The following EFCC1 variants were observed in gnomAD, a reference collection of about 807,000 sequenced individuals.
EFCC1 encodes EF-hand and coiled-coil domain-containing protein 1.
Under a neutral mutation model 52.1 loss-of-function variants are expected in EFCC1, and 50 were observed. That is an observed-to-expected ratio of 0.96 (90% CI 0.76 to 1.21). The LOEUF is 1.21. EFCC1 is among the 50% of genes most tolerant of loss of function. EFCC1 has a pLI of 0.00. For synonymous variants in EFCC1, 399 were observed against 396.5 expected, an observed-to-expected ratio of 1.01 and a Z score of -0.08; for missense variants, 837 against 867.3, an observed-to-expected ratio of 0.97 and a Z score of 0.44.
chr3:129,038,830 G>A lies in EFCC1; in HGVS notation c.1594-1G>A. On this transcript the variant is annotated splice_acceptor_variant, in intron 6 of 7. Coordinates refer to ENST00000683648, the MANE Select transcript of EFCC1 (RefSeq NM_001377500.1). LOFTEE classifies it high-confidence loss of function. ...CAGCCTTGTTTCCATTTCTTTTTAA[G>A]AACATATCGAAAAGAGCCCTGGGGA... 6.2e-7 allele frequency: 1 copy of A among 1,613,766 alleles called. No homozygotes were observed. The highest frequency in any genetic ancestry group is 8.5e-7 in the Non-Finnish European group (1 of 1,179,970).
intron 7 of EFCC1, among the ~76,000 whole-genome samples, chr3:129,039,284 C>T (rs796074175): frequency 1.3e-5 from 2 of 152,250 alleles, no homozygotes; most frequent in Non-Finnish European, 2.9e-5. Flanking sequence ...GAGGCTGGGG[C>T]ATCTCCCTTA....
chr3:129,019,618 A>T (rs1161026077), intron 2 of EFCC1, among the ~76,000 whole-genome samples: 2 of 152,174 alleles, frequency 1.3e-5, no homozygotes, highest in African/African-American at 4.8e-5. Context: ...GTAGATCAGC[A>T]CTGTCCAACT....
intron 3 of EFCC1, 77 bp from the exon 4 acceptor site, chr3:129,032,742 C>T: frequency 3.3e-6 from 5 of 1,508,204 alleles, no homozygotes; most frequent in African/African-American, 1.4e-5. Context: ...TGGGGCTGCG[C>T]TGCACATGTC....
chr3:129,027,495 AG>A (rs1486015807), intron 2 of EFCC1, among the ~76,000 whole-genome samples: 6 of 152,098 alleles, frequency 3.9e-5, no homozygotes, highest in African/African-American at 1.4e-4. Context: ...CAGCCGCGGG[AG>A]GCTCCCTGCC....
Position 129,030,787 on chromosome 3 carries a change from C to T in EFCC1, c.1065C>T (p.Thr355=). The T allele has an allele frequency of 3.2e-6, 5 of 1,551,650 alleles. No individual in the cohort carries two copies. Among genetic ancestry groups the T allele is most frequent in the Non-Finnish European group, 4.4e-6 (5 of 1,146,960 alleles). The change falls in exon 3 of 8, where the codon ACC becomes ACT. Residue 355 remains threonine (T), a synonymous_variant. Coordinates refer to ENST00000683648, the MANE Select transcript of EFCC1 (RefSeq NM_001377500.1). ...GTAATGAACCTGAAGATGCTGGGAC[C>T]AGAGACCCAGACCCCACTCCAGAGG... The part of the protein sequence containing the change: ...DKSNEPEDAG[T]RDPDPTPEGA...
Position 129,034,152 on chromosome 3 carries a change from C to T in EFCC1, c.1287-12C>T, listed in dbSNP as rs1284876957. 6.8e-6 allele frequency: 11 copies of T among 1,614,192 alleles called. No individual in the cohort carries two copies. The highest frequency in any genetic ancestry group is 9.3e-6 in the Non-Finnish European group (11 of 1,180,012). On this transcript the variant is annotated splice_polypyrimidine_tract_variant and intron_variant, in intron 4 of 7. Coordinates refer to ENST00000683648, the MANE Select transcript of EFCC1 (RefSeq NM_001377500.1). ...CAGCCCCCTGCAATGCGGGCCCTCT[C>T]CTTTGCTGCAGGTGTGATGACCAGA... is the stretch of plus-strand genomic sequence containing the variant.
chr3:129,015,698 G>A (rs576070403), intron 2 of EFCC1, among the ~76,000 whole-genome samples: 107 of 152,300 alleles, frequency 7.0e-4, no homozygotes, highest in Non-Finnish European at 1.1e-3. Context: ...GTAGGGACCA[G>A]AGAGGAGTCA....
intron 3 of EFCC1, among the ~76,000 whole-genome samples, chr3:129,031,288 C>G (rs1026766474): frequency 3.9e-5 from 6 of 152,154 alleles, no homozygotes; most frequent in African/African-American, 1.4e-4. Flanking sequence ...CAAATTAGCC[C>G]AGTGTGGTGG....
intron 2 of EFCC1, among the ~76,000 whole-genome samples, chr3:129,023,477 C>T (rs370971177): frequency 4.4e-4 from 67 of 152,166 alleles, no homozygotes; most frequent in African/African-American, 1.4e-3. Flanking sequence ...TACAGGCGCC[C>T]GCCACCATGC....
chr3:129,034,089 C>T, intron 4 of EFCC1, 75 bp from the exon 5 acceptor site: 3 of 1,585,022 alleles, frequency 1.9e-6, no homozygotes, highest in Non-Finnish European at 2.6e-6. Flanking sequence ...CACACCACCA[C>T]CACCTCTCCA....
chr3:129,034,447 C>G, intron 5 of EFCC1, 118 bp downstream of exon 5: 2 of 1,144,026 alleles, frequency 1.7e-6, no homozygotes, highest in Non-Finnish European at 1.2e-6. Flanking sequence ...AACCAAGGCC[C>G]AGAGGGAGGT....
rs1406431611 is a variant in EFCC1, at chr3:129,001,930, G to A, written c.302G>A (p.Gly101Asp). Reference sequence around the variant, plus strand: ...GCCACCACGGCCGGGCAGGCAGCAGGTGACGGGAACTCCAGAGATGTGACC... The same window carrying A: ...GCCACCACGGCCGGGCAGGCAGCAGATGACGGGAACTCCAGAGATGTGACC... ...EGATTAGQAAGDGNSRDVTPG... is the reference protein window; with the variant it reads ...EGATTAGQAADDGNSRDVTPG... The change falls in exon 1 of 8, where the codon GGT becomes GAT. Residue 101 changes from glycine (G) to aspartate (D), a missense_variant. Gly to Asp is a moderately conservative substitution (Grantham distance 94). Coordinates refer to ENST00000683648, the MANE Select transcript of EFCC1 (RefSeq NM_001377500.1). 6.5e-7 allele frequency: 1 copy of A among 1,541,022 alleles called. No homozygotes were observed. The highest frequency in any genetic ancestry group is 2.0e-5 in the Admixed American group (1 of 50,360).
At chr3:129,015,975 T>TG (rs1294948763) in intron 2 of EFCC1, among the ~76,000 whole-genome samples, 15 of 152,348 alleles carry the variant, frequency 9.8e-5, no homozygotes, top group African/African-American at 3.1e-4. Flanking sequence ...GGCTGGGTTC[T>TG]GAGGGACCTG....
At chr3:129,039,076 C>G (rs1229078349) in intron 7 of EFCC1, among the ~76,000 whole-genome samples, 176 bp downstream of exon 7, 1 of 152,212 alleles carries the variant, frequency 6.6e-6, no homozygotes, top group African/African-American at 2.4e-5. Context: ...CACAGAAGCC[C>G]CAGGCAGAAG....
chr3:129,034,215 C>T lies in EFCC1; in HGVS notation c.1338C>T (p.Gly446=), dbSNP rs148256726. 59 of 1,614,072 alleles carry T rather than the reference C, an allele frequency of 3.7e-5. 2 individuals are homozygous for T. The highest frequency in any genetic ancestry group is 1.7e-4 in the African/African-American group (13 of 74,922). ...EKLMTYFGHF[G]GANHAHTLGE... is the part of the protein sequence containing the mutation. ...TCATGACTTACTTTGGTCACTTCGG[C>T]GGTGCCAACCATGCCCATACCCTGG... The change falls in exon 5 of 8, where the codon GGC becomes GGT. Residue 446 remains glycine, a synonymous_variant. Coordinates refer to ENST00000683648, the MANE Select transcript of EFCC1 (RefSeq NM_001377500.1).
intron 5 of EFCC1, among the ~76,000 whole-genome samples, chr3:129,036,374 C>T (rs752792617): frequency 1.2e-4 from 19 of 152,336 alleles, no homozygotes; most frequent in East Asian, 5.8e-4. Context: ...GGGAATGCCT[C>T]GTGCCTGGCA....
intron 2 of EFCC1, among the ~76,000 whole-genome samples, chr3:129,019,764 C>CTTTTTTTT (rs760118112): frequency 4.7e-5 from 5 of 107,420 alleles, no homozygotes; most frequent in Non-Finnish European, 7.6e-5. Context: ...ATTAAATTTA[C>CTTTTTTTT]TTTTTTTTTT....
intron 2 of EFCC1, among the ~76,000 whole-genome samples, chr3:129,026,261 A>T (rs1448182951): frequency 6.6e-6 from 1 of 152,234 alleles, no homozygotes; most frequent in African/African-American, 2.4e-5. Flanking sequence ...AGTCCACCCC[A>T]GGCAGCCTGT....
At chr3:129,008,837 C>T (rs1376527569) in intron 2 of EFCC1, among the ~76,000 whole-genome samples, 1 of 152,202 alleles carries the variant, frequency 6.6e-6, no homozygotes, top group Non-Finnish European at 1.5e-5. Context: ...CTAAGAGGCT[C>T]CTGGTCCCCT....
Sources: gnomAD v4.1 joint callset for allele counts (sites outside exome capture counted in the v4.1 genomes callset) on GRCh38, gnomAD v4.1.1 for gene constraint, MANE v1.5 for transcripts, NCBI Gene and HGNC (gene_info 2026-07-23, HGNC 2026-07-21) for gene names.